Variants in PCDH17 observed in about 807,000 individuals in gnomAD.
The protein encoded by PCDH17 is protocadherin-17.
Under a neutral mutation model 67.7 loss-of-function variants are expected in PCDH17, and 21 were observed. The ratio of observed to expected loss-of-function variants is 0.31; its 90% CI spans 0.22 to 0.45. The LOEUF (loss-of-function observed/expected upper bound fraction) is 0.45, where lower values mean the gene tolerates loss of function less well. PCDH17 is among the 20% of genes least tolerant of loss of function. PCDH17 has a pLI of 1.00. For synonymous variants in PCDH17, 701 were observed against 656.7 expected (o/e 1.07, Z -1.03); for missense variants, 1,471 against 1,564.8 (o/e 0.94, Z 1.01).
Position 57,724,698 on chromosome 13 carries a change from A to G in PCDH17, c.2884A>G (p.Asn962Asp). Residue 962 changes from asparagine (N) to aspartate (D), a missense_variant, in exon 4 of 4, where the codon AAT (asparagine) becomes GAT (aspartate). By Grantham distance (23) the Asn-to-Asp change is conservative. Transcript: ENST00000377918. Reference protein sequence around the residue: ...RCWMPQFPAANQAENADYRTN... With the variant: ...RCWMPQFPAADQAENADYRTN... ...CTGGATGCCACAGTTCCCTGCAGCC[A>G]ATCAGGCTGAAAATGCAGATTACCG... 6.2e-7 allele frequency: 1 copy of G among 1,613,942 alleles called. No homozygotes were observed.
chr13:57,710,486 A>G (rs966970497), intron 3 of PCDH17, among the ~76,000 whole-genome samples: 12 of 151,928 alleles, frequency 7.9e-5, no homozygotes, highest in African/African-American at 2.2e-4. Flanking sequence ...TATGCTTTAC[A>G]TGTGATTCAG....
chr13:57,654,340 C>G (rs1955078888), intron 1 of PCDH17, among the ~76,000 whole-genome samples: 1 of 151,818 alleles, frequency 6.6e-6, no homozygotes, highest in African/African-American at 2.4e-5. Flanking sequence ...TTTTCAAAAA[C>G]AGATAATGGG....
At chr13:57,675,845 TG>T (rs1250037124) in intron 3 of PCDH17, among the ~76,000 whole-genome samples, 1 of 151,768 alleles carries the variant, frequency 6.6e-6, no homozygotes, top group Non-Finnish European at 1.5e-5. Context: ...TCTGGCAATG[TG>T]TTGGGAGAGA....
At chr13:57,654,381 C>G (rs551212469) in intron 1 of PCDH17, among the ~76,000 whole-genome samples, 1 of 148,378 alleles carries the variant, frequency 6.7e-6, no homozygotes, top group African/African-American at 2.6e-5. Flanking sequence ...TAAAGCATGA[C>G]TGTTATTGAT....
chr13:57,707,591 T>A (rs1955732949), intron 3 of PCDH17, among the ~76,000 whole-genome samples: 1 of 152,084 alleles, frequency 6.6e-6, no homozygotes, highest in Admixed American at 6.6e-5. Flanking sequence ...CACTTCACAG[T>A]AGCAAAATTA....
chr13:57,632,915 G>A lies in PCDH17; in HGVS notation c.369G>A (p.Gln123=), dbSNP rs1247299555. Residue 123 remains glutamine (Q), a synonymous_variant, in exon 1 of 4, where the codon CAG becomes CAA. Coordinates refer to ENST00000377918, the MANE Select transcript of PCDH17 (RefSeq NM_001040429.3). ...KEICMIKVEI[Q]DINDNAPSFS... is the part of the protein sequence containing the mutation. ...TCTGCATGATCAAGGTAGAGATCCAGGACATCAACGACAACGCGCCCTCCT... is the reference window on the plus strand; with the variant it reads ...TCTGCATGATCAAGGTAGAGATCCAAGACATCAACGACAACGCGCCCTCCT... 6.2e-7 allele frequency: 1 copy of A among 1,614,136 alleles called. No individual in the cohort carries two copies. The highest frequency in any genetic ancestry group is 1.7e-5 in the Admixed American group (1 of 60,016).
At chr13:57,638,459 T>C (rs1327565049) in intron 1 of PCDH17, among the ~76,000 whole-genome samples, 2 of 152,092 alleles carry the variant, frequency 1.3e-5, no homozygotes. Flanking sequence ...TCACATTTTT[T>C]GTAGCACTAC....
At chr13:57,678,028 T>G (rs1382906814) in intron 3 of PCDH17, among the ~76,000 whole-genome samples, 1 of 151,744 alleles carries the variant, frequency 6.6e-6, no homozygotes, top group Admixed American at 6.6e-5. Flanking sequence ...TGTTGTTTTC[T>G]TGAAGAATGC....
intron 1 of PCDH17, 102 bp from the exon 2 acceptor site, chr13:57,666,366 A>T (rs1259626406): frequency 2.3e-5 from 20 of 856,876 alleles, no homozygotes; most frequent in Non-Finnish European, 3.2e-5. Context: ...GATTAAGGGA[A>T]TTTTTGAATT....
chr13:57,693,738 T>C (rs1341701276), intron 3 of PCDH17, among the ~76,000 whole-genome samples: 2 of 151,036 alleles, frequency 1.3e-5, no homozygotes, highest in African/African-American at 4.8e-5. Context: ...TTTCTAATTA[T>C]ATAGGTCTTT....
chr13:57,649,442 A>G (rs1172279251), intron 1 of PCDH17, among the ~76,000 whole-genome samples: 3 of 152,170 alleles, frequency 2.0e-5, no homozygotes, highest in African/African-American at 7.2e-5. Flanking sequence ...TGCTACAGCC[A>G]TTTTGGTGTG....
upstream of PCDH17, among the ~76,000 whole-genome samples, chr13:57,631,444 C>G (rs778929588): frequency 1.3e-5 from 2 of 152,162 alleles, no homozygotes; most frequent in Non-Finnish European, 2.9e-5. Context: ...TGTTGATTTC[C>G]CTTCGCCTGG....
intron 3 of PCDH17, among the ~76,000 whole-genome samples, chr13:57,693,338 A>ATATATGTATT (rs1555286766): frequency 4.2e-5 from 6 of 142,124 alleles, no homozygotes; most frequent in African/African-American, 1.3e-4. Context: ...ATATATATAT[A>ATATATGTATT]TATATATCAA....
intron 3 of PCDH17, among the ~76,000 whole-genome samples, chr13:57,680,573 T>C (rs982336851): frequency 6.6e-6 from 1 of 151,608 alleles, no homozygotes; most frequent in Non-Finnish European, 1.5e-5. Flanking sequence ...GTTATTGCTT[T>C]AGAATGATTT....
At chr13:57,720,425 T>A (rs1955863127) in intron 3 of PCDH17, among the ~76,000 whole-genome samples, 1 of 152,052 alleles carries the variant, frequency 6.6e-6, no homozygotes, top group African/African-American at 2.4e-5. Context: ...TACATATGTG[T>A]ACATTAATAT....
intron 3 of PCDH17, among the ~76,000 whole-genome samples, chr13:57,667,216 A>C (rs1402253396): frequency 6.6e-6 from 1 of 152,178 alleles, no homozygotes; most frequent in Non-Finnish European, 1.5e-5. Context: ...TTTTTAGATA[A>C]AATGAAATCA....
At chr13:57,680,417 G>T (rs1451208362) in intron 3 of PCDH17, among the ~76,000 whole-genome samples, 1 of 151,558 alleles carries the variant, frequency 6.6e-6, no homozygotes, top group Non-Finnish European at 1.5e-5. Flanking sequence ...ATTTTTATTG[G>T]AGTGTAGGGT....
chr13:57,637,966 T>C (rs1954844090), intron 1 of PCDH17, among the ~76,000 whole-genome samples: 1 of 151,954 alleles, frequency 6.6e-6, no homozygotes, highest in Admixed American at 6.6e-5. Flanking sequence ...ACAGTGATGT[T>C]TGTGAGAAGA....
chr13:57,672,055 C>T (rs182891555), intron 3 of PCDH17, among the ~76,000 whole-genome samples: 136 of 152,112 alleles, frequency 8.9e-4, no homozygotes, highest in Middle Eastern at 3.4e-3. Flanking sequence ...TCTTAAATTA[C>T]ATTGAGTTTT....
Sources: gnomAD v4.1 joint callset for allele counts (sites outside exome capture counted in the v4.1 genomes callset) on GRCh38, gnomAD v4.1.1 for gene constraint, MANE v1.5 for transcripts, NCBI Gene and HGNC (gene_info 2026-07-23, HGNC 2026-07-21) for gene names.